Variants in GPHN observed in about 807,000 individuals in gnomAD.
GPHN encodes the protein gephyrin.
In GPHN, 17 loss-of-function variants were observed where a neutral mutation model predicts 95.5. The observed-to-expected ratio is 0.18, with a 90% confidence interval of 0.12 to 0.27. The LOEUF (loss-of-function observed/expected upper bound fraction) is 0.27, where lower values mean the gene tolerates loss of function less well. GPHN is among the 10% of genes least tolerant of loss of function. The pLI is 1.00. For missense variants in GPHN, 660 were observed against 978.1 expected, an observed-to-expected ratio of 0.67 and a Z score of 4.34; for synonymous variants, 320 against 322.5, an observed-to-expected ratio of 0.99 and a Z score of 0.08.
At chr14:66,752,834 C>T (rs145317617) in intron 2 of GPHN, among the ~76,000 whole-genome samples, 1 of 146,882 alleles carries the variant, frequency 6.8e-6, no homozygotes, top group East Asian at 2.0e-4. Flanking sequence ...GTTTCTTAAA[C>T]AACAAGACTA....
At chr14:67,631,052 C>T in the GPHN span, among the ~76,000 whole-genome samples, 2 of 152,154 alleles carry the variant, frequency 1.3e-5, no homozygotes, top group African/African-American at 4.8e-5. Context: ...CAGCATTATC[C>T]CTCCCCTCAC....
At chr14:66,824,870 T>G (rs1466966955) in intron 4 of GPHN, among the ~76,000 whole-genome samples, 3 of 152,192 alleles carry the variant, frequency 2.0e-5, no homozygotes, top group Non-Finnish European at 2.9e-5. Flanking sequence ...AGCAGAATTC[T>G]GATGGTTAGC....
chr14:67,136,431 C>CT (rs1425465982), intron 17 of GPHN, among the ~76,000 whole-genome samples: 1 of 152,106 alleles, frequency 6.6e-6, no homozygotes, highest in Non-Finnish European at 1.5e-5. Flanking sequence ...CTTTCCCAGC[C>CT]TTTAAAGGAT....
chr14:66,539,099 A>G (rs2059251088), intron 1 of GPHN, among the ~76,000 whole-genome samples: 2 of 152,188 alleles, frequency 1.3e-5, no homozygotes, highest in Admixed American at 6.5e-5. Context: ...GAAAGACTGC[A>G]GGAGATCTAA....
the GPHN span, among the ~76,000 whole-genome samples, chr14:67,529,272 G>C: frequency 5.3e-5 from 8 of 152,140 alleles, no homozygotes; most frequent in Non-Finnish European, 1.5e-5. Flanking sequence ...ATACTGAACA[G>C]ATTATTTGCA....
At chr14:66,709,265 G>T in intron 2 of GPHN, 1 of 451,444 alleles carries the variant, frequency 2.2e-6, no homozygotes, top group Non-Finnish European at 4.5e-6. Context: ...TATTAAACAG[G>T]ATTAGAACTC....
the GPHN span, among the ~76,000 whole-genome samples, chr14:67,248,123 A>G: frequency 6.6e-6 from 1 of 152,086 alleles, no homozygotes; most frequent in African/African-American, 2.4e-5. Flanking sequence ...AATTACACTG[A>G]TTTTTCAAAT....
chr14:67,165,889 T>C (rs1159693958), intron 20 of GPHN, among the ~76,000 whole-genome samples: 1 of 152,202 alleles, frequency 6.6e-6, no homozygotes. Context: ...AAATTTTTTG[T>C]GATTTGGGGT....
At chr14:67,583,811 A>G in the GPHN span, 1 of 1,613,130 alleles carries the variant, frequency 6.2e-7, no homozygotes. Context: ...AAGGCTCAGC[A>G]TCTTCTCCAG....
the GPHN span, among the ~76,000 whole-genome samples, chr14:67,558,318 T>C: frequency 1.3e-5 from 2 of 152,196 alleles, no homozygotes; most frequent in African/African-American, 4.8e-5. Flanking sequence ...GAGAAGCCGA[T>C]CCTGGTGGTG....
chr14:67,380,665 A>G, the GPHN span: 1 of 1,536,844 alleles, frequency 6.5e-7, no homozygotes, highest in Non-Finnish European at 8.7e-7. Context: ...CCAGAGACCC[A>G]TCTATTTTGG....
At chr14:66,841,880 AAAAAG>A (rs894441796) in intron 4 of GPHN, among the ~76,000 whole-genome samples, 55 of 151,962 alleles carry the variant, frequency 3.6e-4, no homozygotes, top group Non-Finnish European at 1.3e-4. Flanking sequence ...GTCTCTAGTA[AAAAAG>A]AAAAGAAAAG....
chr14:67,051,229 C>T (rs978453956), intron 10 of GPHN, among the ~76,000 whole-genome samples: 1 of 152,160 alleles, frequency 6.6e-6, no homozygotes, highest in Non-Finnish European at 1.5e-5. Flanking sequence ...GCTGCCATCA[C>T]TGCAGCTCCA....
chr14:67,199,611 G>A, the GPHN span: 1 of 1,588,786 alleles, frequency 6.3e-7, no homozygotes, highest in Admixed American at 1.7e-5. Flanking sequence ...GACTCCAAGG[G>A]TGAGCGCCAT....
At chr14:67,722,789 A>C in the GPHN span, 10 of 1,198,618 alleles carry the variant, frequency 8.3e-6, no homozygotes, top group Non-Finnish European at 1.2e-5. Flanking sequence ...CTGAAAGAAG[A>C]GAAAGGGAAG....
chr14:67,535,968 A>C, the GPHN span, among the ~76,000 whole-genome samples: 15 of 152,336 alleles, frequency 9.8e-5, no homozygotes, highest in African/African-American at 3.6e-4. Context: ...CTGAGTCTCA[A>C]AGAAGTTAAG....
chr14:66,583,502 G>T (rs1390485109), intron 1 of GPHN, among the ~76,000 whole-genome samples: 1 of 151,872 alleles, frequency 6.6e-6, no homozygotes, highest in Non-Finnish European at 1.5e-5. Context: ...TTTTTTCTAG[G>T]GTTTTTACGG....
chr14:67,478,511 G>A, the GPHN span, among the ~76,000 whole-genome samples: 1 of 152,210 alleles, frequency 6.6e-6, no homozygotes, highest in South Asian at 2.1e-4. Context: ...ATGAAAGAGT[G>A]TGTAGAAAAA....
At chr14:66,642,631 G>T (rs1228656512) in intron 1 of GPHN, among the ~76,000 whole-genome samples, 1 of 150,026 alleles carries the variant, frequency 6.7e-6, no homozygotes, top group Non-Finnish European at 1.5e-5. Context: ...TGTAAATTGT[G>T]AATAGTAAAA....
Sources: allele counts gnomAD v4.1 joint callset (sites outside exome capture counted in the v4.1 genomes callset), GRCh38; gene constraint gnomAD v4.1.1; transcripts MANE v1.5; gene names NCBI Gene and HGNC (gene_info 2026-07-23, HGNC 2026-07-21).